Variants in MAPK10 observed in about 807,000 individuals in gnomAD.
The protein encoded by MAPK10 is mitogen-activated protein kinase 10.
A neutral mutation model predicts 59.3 loss-of-function variants in MAPK10; 25 were observed. The ratio of observed to expected loss-of-function variants is 0.42; its 90% CI spans 0.31 to 0.59. The LOEUF (loss-of-function observed/expected upper bound fraction) is 0.59. MAPK10 is among the 20% of genes least tolerant of loss of function. The probability of loss-of-function intolerance (pLI) is 0.15; values close to 1 mark genes in which losing one functional copy is unlikely to be tolerated. For synonymous variants in MAPK10, 190 were observed against 200.5 expected, an observed-to-expected ratio of 0.95 and a Z score of 0.44; for missense variants, 351 against 568.9, an observed-to-expected ratio of 0.62 and a Z score of 3.90.
At chr4:86,086,234 A>G (rs2051805290) in intron 9 of MAPK10, among the ~76,000 whole-genome samples, 1 of 152,146 alleles carries the variant, frequency 6.6e-6, no homozygotes, top group Admixed American at 6.6e-5. Flanking sequence ...CAGTAGAAGG[A>G]TGGTTACCAG....
intron 9 of MAPK10, among the ~76,000 whole-genome samples, chr4:86,075,730 T>C (rs896846918): frequency 3.9e-5 from 6 of 152,190 alleles, no homozygotes; most frequent in Non-Finnish European, 8.8e-5. Context: ...AGGGACCCAC[T>C]TGAGGAGGCA....
intron 1 of MAPK10, among the ~76,000 whole-genome samples, chr4:86,541,947 G>GCACACACACACACA (rs10555824): frequency 6.4e-5 from 9 of 140,376 alleles, no homozygotes; most frequent in Non-Finnish European, 1.2e-4. Flanking sequence ...GAATACACCG[G>GCACACACACACACA]CACACACACA....
chr4:86,239,241 A>C (rs1307387607), intron 2 of MAPK10, among the ~76,000 whole-genome samples: 2 of 152,148 alleles, frequency 1.3e-5, no homozygotes, highest in Admixed American at 1.3e-4. Flanking sequence ...TGCTGGATTC[A>C]GTTTGCCAGT....
At chr4:86,474,706 T>C (rs1752926211) in intron 1 of MAPK10, among the ~76,000 whole-genome samples, 1 of 152,144 alleles carries the variant, frequency 6.6e-6, no homozygotes, top group Non-Finnish European at 1.5e-5. Flanking sequence ...GCAGCTAATA[T>C]AAAGTGAGCA....
At chr4:86,288,442 T>G (rs753110990) in intron 2 of MAPK10, among the ~76,000 whole-genome samples, 11 of 151,486 alleles carry the variant, frequency 7.3e-5, no homozygotes, top group Non-Finnish European at 1.5e-4. Flanking sequence ...AACCATGATC[T>G]AAAATTTCAG....
At chr4:86,251,415 A>T (rs1416071512) in intron 2 of MAPK10, among the ~76,000 whole-genome samples, 1 of 149,372 alleles carries the variant, frequency 6.7e-6, no homozygotes, top group Non-Finnish European at 1.5e-5. Flanking sequence ...TATGAGTGAG[A>T]ATATGCGGTG....
At chr4:86,144,762 G>A (rs988321925) in intron 4 of MAPK10, among the ~76,000 whole-genome samples, 18 of 152,116 alleles carry the variant, frequency 1.2e-4, no homozygotes, top group Non-Finnish European at 1.6e-4. Context: ...TGGAGTGAAG[G>A]AGACATGGGT....
intron 13 of MAPK10, chr4:86,027,182 T>A (rs1750755419): frequency 6.6e-6 from 1 of 152,176 alleles, no homozygotes; most frequent in Non-Finnish European, 1.5e-5. Context: ...TATAACTAAG[T>A]CATGAATATT....
intron 1 of MAPK10, among the ~76,000 whole-genome samples, chr4:86,381,234 T>A (rs1740661528): frequency 6.6e-6 from 1 of 152,174 alleles, no homozygotes; most frequent in Admixed American, 6.6e-5. Flanking sequence ...TACACATGCA[T>A]GCCTCCCCTT....
intron 4 of MAPK10, among the ~76,000 whole-genome samples, chr4:86,133,586 A>G (rs895128590): frequency 3.9e-5 from 6 of 152,220 alleles, no homozygotes; most frequent in African/African-American, 1.2e-4. Context: ...ACCTTTCTCA[A>G]ATAAATGTGT....
intron 1 of MAPK10, among the ~76,000 whole-genome samples, chr4:86,404,094 T>C (rs1317943922): frequency 6.6e-6 from 1 of 152,216 alleles, no homozygotes. Context: ...TGTAGACTAT[T>C]GTGAACTCCC....
At position 86,225,154 on chromosome 4, in the gene MAPK10, G is replaced by T. The variant is rs142587711; in HGVS notation, c.-6-30747C>A. Among the ~76,000 whole-genome samples, 22 of 152,252 alleles carry T rather than the reference G, an allele frequency of 1.4e-4. No individual in the cohort carries two copies. In the East Asian group the frequency reaches 4.2e-3, roughly 29 times the overall value. On this transcript the variant is annotated intron_variant, in intron 2 of 13. Transcript: ENST00000641462. ...CTGAAGCTGTTATCCCTAGAAATCC[G>T]TGCTTGGAAGTTTGGCCCTGAGCTG...
intron 1 of MAPK10, among the ~76,000 whole-genome samples, chr4:86,386,664 C>T (rs1318883766): frequency 6.6e-6 from 1 of 151,986 alleles, no homozygotes; most frequent in Non-Finnish European, 1.5e-5. Context: ...AACTCTAACA[C>T]ATAACACAAT....
At chr4:86,297,402 C>T (rs182234647) in intron 2 of MAPK10, among the ~76,000 whole-genome samples, 2 of 152,228 alleles carry the variant, frequency 1.3e-5, no homozygotes, top group East Asian at 1.9e-4. Context: ...CCCTGCCTCC[C>T]GGATTCAAGC....
chr4:86,244,491 T>C (rs1108429), intron 2 of MAPK10, among the ~76,000 whole-genome samples: 29,923 of 152,154 alleles, frequency 0.2, 3,563 homozygotes, highest in African/African-American at 0.33. Context: ...TATGTCTCTA[T>C]TTAATGATGC....
chr4:86,299,157 A>C (rs900518296), intron 2 of MAPK10, among the ~76,000 whole-genome samples: 1 of 152,238 alleles, frequency 6.6e-6, no homozygotes, highest in Non-Finnish European at 1.5e-5. Context: ...AAAGCAGTAA[A>C]AAAAGCCTTG....
chr4:86,501,395 T>A (rs1301833563), intron 1 of MAPK10, among the ~76,000 whole-genome samples: 1 of 152,060 alleles, frequency 6.6e-6, no homozygotes, highest in Non-Finnish European at 1.5e-5. Context: ...TCATTTACAC[T>A]ATACATTCTA....
intron 4 of MAPK10, 92 bp from the exon 5 acceptor site, chr4:86,107,444 T>C (rs1349393724): frequency 3.3e-6 from 5 of 1,496,726 alleles, no homozygotes; most frequent in Admixed American, 4.4e-5. Flanking sequence ...AAGAAAATGC[T>C]ATTTCGGAAT....
rs116580842 is a variant in MAPK10, at chr4:86,292,870, T to C, written c.-7+61660A>G. Reference sequence around the variant, plus strand: ...AAAGCGGTGGTGGTCTCTGGTCTCATAACTATTTTTGCATAACTCATTATT... The same window carrying C: ...AAAGCGGTGGTGGTCTCTGGTCTCACAACTATTTTTGCATAACTCATTATT... On this transcript the variant is annotated intron_variant, in intron 2 of 13. Transcript: ENST00000641462. 2.3e-3 allele frequency among the ~76,000 whole-genome samples: 350 copies of C among 152,280 alleles called. 3 individuals carry two copies. Among genetic ancestry groups the C allele is most frequent in the African/African-American group, 8.2e-3 (341 of 41,566 alleles).
Sources: gnomAD v4.1 joint callset for allele counts (sites outside exome capture counted in the v4.1 genomes callset) on GRCh38, gnomAD v4.1.1 for gene constraint, MANE v1.5 for transcripts, NCBI Gene and HGNC (gene_info 2026-07-23, HGNC 2026-07-21) for gene names.